Variants in SPATA6 observed in about 807,000 individuals in gnomAD.
The protein encoded by SPATA6 is spermatogenesis-associated protein 6.
A neutral mutation model predicts 65.3 loss-of-function variants in SPATA6; 56 were observed. That is an observed-to-expected ratio of 0.86 (90% CI 0.69 to 1.07). The LOEUF is 1.07. SPATA6 is among the 50% of genes least tolerant of loss of function. The probability of loss-of-function intolerance (pLI) is 0.00; values close to 1 mark genes in which losing one functional copy is unlikely to be tolerated. For missense variants in SPATA6, 590 were observed against 594.8 expected (o/e 0.99, Z 0.08); for synonymous variants, 199 against 213.2 (o/e 0.93, Z 0.58).
intron 3 of SPATA6, among the ~76,000 whole-genome samples, chr1:48,421,885 T>C (rs1653375069): frequency 6.6e-6 from 1 of 152,018 alleles, no homozygotes. Flanking sequence ...AGAATGGAAA[T>C]GTAAAAATGG....
chr1:48,417,355 A>G (rs1408492280), intron 3 of SPATA6, among the ~76,000 whole-genome samples: 1 of 152,218 alleles, frequency 6.6e-6, no homozygotes, highest in Non-Finnish European at 1.5e-5. Flanking sequence ...AACAATACTG[A>G]ATGAAAGATG....
At chr1:48,453,757 C>T (rs1408910525) in intron 1 of SPATA6, among the ~76,000 whole-genome samples, 2 of 151,956 alleles carry the variant, frequency 1.3e-5, no homozygotes, top group African/African-American at 2.4e-5. Context: ...AGGATTTTCC[C>T]TTGTTTACCA....
At chr1:48,446,841 C>T (rs1436954305) in intron 3 of SPATA6, among the ~76,000 whole-genome samples, 1 of 152,060 alleles carries the variant, frequency 6.6e-6, no homozygotes, top group Admixed American at 6.6e-5. Context: ...AATAGATTGA[C>T]ATAGATTAAC....
At chr1:48,351,593 TA>T in intron 11 of SPATA6, among the ~76,000 whole-genome samples, 1 of 152,224 alleles carries the variant, frequency 6.6e-6, no homozygotes, top group East Asian at 1.9e-4. Flanking sequence ...AATCATTTAC[TA>T]GGATAAATTT....
At chr1:48,274,075 G>T in the SPATA6 span, among the ~76,000 whole-genome samples, 1 of 152,054 alleles carries the variant, frequency 6.6e-6, no homozygotes. Flanking sequence ...GTTTTGATTT[G>T]CATTTCTCTA....
Position 48,436,887 on chromosome 1 carries a change from T to G in SPATA6, c.238+14665A>C, listed in dbSNP as rs201206513. 1.2e-3 allele frequency: 2,013 copies of G among 1,613,412 alleles called. 18 individuals carry two copies. The highest frequency in any genetic ancestry group is 0.011 in the Middle Eastern group (64 of 6,060). The stretch of plus-strand genomic sequence containing the variant: ...CCAGAATGAAAAATTCCCGGTCAGG[T>G]GTAGACTCTGGAATTGGAGAAAGTG... On this transcript the variant is annotated intron_variant, in intron 3 of 12. Coordinates refer to ENST00000371847, the MANE Select transcript of SPATA6 (RefSeq NM_019073.4).
intron 3 of SPATA6, among the ~76,000 whole-genome samples, chr1:48,434,488 A>G (rs1233819027): frequency 2.6e-5 from 4 of 152,184 alleles, no homozygotes. Flanking sequence ...ATACAGATCT[A>G]AAGATAATAG....
rs1188840335 is a variant in SPATA6 at position 48,411,533 on chromosome 1, A to T, written c.336T>A (p.Gly112=). 1.2e-6 allele frequency: 2 copies of T among 1,611,202 alleles called. No homozygotes were observed. The highest frequency in any genetic ancestry group is 3.4e-5 in the Admixed American group (2 of 59,670). Residue 112 remains glycine (G), a synonymous_variant, in exon 5 of 13, where the codon GGT becomes GGA. Transcript: ENST00000371847. The stretch of plus-strand genomic sequence containing the variant: ...CATGGTGTCCAGACATTTGGTTTGG[A>T]CCCGGAAACATGAAATCTCGTGTAT... ...DENTRDFMFP[G]PNQMSGHHDS...
the SPATA6 span, among the ~76,000 whole-genome samples, chr1:48,287,223 T>G: frequency 6.6e-6 from 1 of 152,122 alleles, no homozygotes; most frequent in Admixed American, 6.5e-5. Flanking sequence ...GTGCTACACA[T>G]TTTTAAATGA....
chr1:48,314,255 A>G (rs1645329081), intron 11 of SPATA6, among the ~76,000 whole-genome samples: 1 of 152,142 alleles, frequency 6.6e-6, no homozygotes, highest in African/African-American at 2.4e-5. Flanking sequence ...TCAGCACCAC[A>G]CCACACCTAT....
chr1:48,397,350 G>A (rs920874338), intron 7 of SPATA6, among the ~76,000 whole-genome samples: 4 of 151,628 alleles, frequency 2.6e-5, no homozygotes, highest in Non-Finnish European at 1.5e-5. Context: ...GTAAACTTAC[G>A]TATATTCTAC....
chr1:48,438,038 G>C (rs1462857510), intron 3 of SPATA6, among the ~76,000 whole-genome samples: 1 of 152,010 alleles, frequency 6.6e-6, no homozygotes, highest in African/African-American at 2.4e-5. Flanking sequence ...ACAAATAAAG[G>C]AACAAAAGGT....
chr1:48,314,312 G>A (rs945466666), intron 11 of SPATA6, among the ~76,000 whole-genome samples: 1 of 152,088 alleles, frequency 6.6e-6, no homozygotes, highest in Admixed American at 6.6e-5. Context: ...CTCAGCAAAT[G>A]TAAAAGAACA....
Position 48,453,068 on chromosome 1 carries a change from C to G in SPATA6, c.115G>C (p.Gly39Arg). The G allele has an allele frequency of 1.9e-6, 3 of 1,613,926 alleles. No individual in the cohort carries two copies. The highest frequency in any genetic ancestry group is 2.5e-6 in the Non-Finnish European group (3 of 1,179,948). ...ACACATTGTGTCTTTTTGTATTGGC[C>G]AAACACACAGATGCTAAGATAGATG... ...EDIYLSICVF[G>R]QYKKTQCVPA... Residue 39 changes from glycine to arginine, a missense_variant, in exon 2 of 13, where the codon GGC (glycine) becomes CGC (arginine). Coordinates refer to ENST00000371847, the MANE Select transcript of SPATA6 (RefSeq NM_019073.4).
At chr1:48,366,337 T>C (rs1233593851) in intron 9 of SPATA6, among the ~76,000 whole-genome samples, 8 of 152,174 alleles carry the variant, frequency 5.3e-5, no homozygotes, top group African/African-American at 1.9e-4. Flanking sequence ...TTCCCTCTTT[T>C]TCTATTGATT....
At chr1:48,306,071 A>G (rs1182237307) in intron 11 of SPATA6, among the ~76,000 whole-genome samples, 193 bp from the exon 12 acceptor site, 4 of 152,050 alleles carry the variant, frequency 2.6e-5, no homozygotes, top group Non-Finnish European at 5.9e-5. Context: ...AAAACAATAC[A>G]GTTTTATTAT....
Position 48,399,540 on chromosome 1 carries a change from A to G in SPATA6, c.591T>C (p.Ser197=). Residue 197 remains serine, a synonymous_variant, in exon 7 of 13, where the codon AGT becomes AGC. Transcript: ENST00000371847. ...AGTTTTTTGCATTTATACAGTATTTACTTCTCTCAGGTGACTTGGATTTTT... is the reference window on the plus strand; with the variant it reads ...AGTTTTTTGCATTTATACAGTATTTGCTTCTCTCAGGTGACTTGGATTTTT... The part of the protein sequence containing the change: ...QKKKSKSPER[S]KYCINAKNYE... 1 of 1,613,024 alleles carries G rather than the reference A, an allele frequency of 6.2e-7. No individual in the cohort carries two copies. The highest frequency in any genetic ancestry group is 8.5e-7 in the Non-Finnish European group (1 of 1,179,368).
intron 11 of SPATA6, among the ~76,000 whole-genome samples, chr1:48,343,453 C>A (rs746150549): frequency 6.6e-6 from 1 of 151,940 alleles, no homozygotes; most frequent in Non-Finnish European, 1.5e-5. Flanking sequence ...ACAGATGAAG[C>A]GGAATGAGGA....
intron 3 of SPATA6, among the ~76,000 whole-genome samples, chr1:48,434,668 T>C (rs983676098): frequency 2.6e-5 from 4 of 152,040 alleles, no homozygotes; most frequent in Non-Finnish European, 5.9e-5. Context: ...GGCAGTATAG[T>C]GAGAGAACAT....
Sources: allele counts gnomAD v4.1 joint callset (sites outside exome capture counted in the v4.1 genomes callset), GRCh38; gene constraint gnomAD v4.1.1; transcripts MANE v1.5; gene names NCBI Gene and HGNC (gene_info 2026-07-23, HGNC 2026-07-21).